The following BAZ2B variants were observed in gnomAD, a reference collection of about 807,000 sequenced individuals.
The protein encoded by BAZ2B is bromodomain adjacent to zinc finger domain protein 2B.
A neutral mutation model predicts 246.0 loss-of-function variants in BAZ2B; 91 were observed. The ratio of observed to expected loss-of-function variants is 0.37; its 90% CI spans 0.31 to 0.44. The LOEUF (loss-of-function observed/expected upper bound fraction) is 0.44, where lower values mean the gene tolerates loss of function less well. Among genes scored for constraint, BAZ2B ranks in the 20% least tolerant of loss-of-function variants. BAZ2B has a pLI of 1.00. For synonymous variants in BAZ2B, 855 were observed against 860.0 expected, an observed-to-expected ratio of 0.99 and a Z score of 0.10; for missense variants, 2,332 against 2,533.7, an observed-to-expected ratio of 0.92 and a Z score of 1.71.
At chr2:159,441,204 T>C (rs1055089347) in intron 6 of BAZ2B, among the ~76,000 whole-genome samples, 1 of 152,136 alleles carries the variant, frequency 6.6e-6, no homozygotes, top group Non-Finnish European at 1.5e-5. Context: ...AGAGCTACAG[T>C]GATTTAGCAG....
intron 1 of BAZ2B, among the ~76,000 whole-genome samples, chr2:159,590,206 A>C (rs1404572484): frequency 1.5e-5 from 2 of 134,646 alleles, no homozygotes; most frequent in African/African-American, 5.9e-5. Flanking sequence ...AAAAAAAAAA[A>C]AAAAAAAAAA....
chr2:159,571,618 T>C lies in BAZ2B; in HGVS notation c.-45-15753A>G, dbSNP rs556455791. Among the ~76,000 whole-genome samples, 4 of 152,292 alleles carry C rather than the reference T, an allele frequency of 2.6e-5. No homozygotes were observed. In the East Asian group the frequency reaches 7.7e-4, roughly 29 times the overall value. On this transcript the variant is annotated intron_variant, in intron 1 of 36. Transcript: ENST00000392783. The stretch of plus-strand genomic sequence containing the variant: ...GGGGCTGAACACTGAGTTCAATTGC[T>C]AATGGCCAATTGTCTTAGTCCCTAT...
chr2:159,398,570 T>C lies in BAZ2B; in HGVS notation c.2964+259A>G, dbSNP rs75754690. Among the ~76,000 whole-genome samples the C allele has an allele frequency of 9.4e-3, 1,426 of 152,180 alleles. 14 individuals carry two copies. Among genetic ancestry groups the C allele is most frequent in the South Asian group, 0.022 (106 of 4,824 alleles). On this transcript the variant is annotated intron_variant, in intron 18 of 36. Coordinates refer to ENST00000392783, the MANE Select transcript of BAZ2B (RefSeq NM_013450.4). ...CTTATCTAGCAAAACTACATACAGG[T>C]ATTAAGCAACAATTTGCATTTCTGA...
intron 4 of BAZ2B, among the ~76,000 whole-genome samples, chr2:159,450,655 T>A (rs1435474882): frequency 1.3e-5 from 2 of 150,812 alleles, no homozygotes; most frequent in African/African-American, 2.4e-5. Context: ...AAATGAAAAA[T>A]ACAAAATAAG....
the BAZ2B span, among the ~76,000 whole-genome samples, chr2:159,656,866 T>C: frequency 1.3e-5 from 2 of 152,174 alleles, no homozygotes; most frequent in Admixed American, 1.3e-4. Context: ...TGAATTTAAA[T>C]AGTACTCTGC....
At chr2:159,390,255 T>C (rs918349) in intron 20 of BAZ2B, among the ~76,000 whole-genome samples, 141,080 of 152,138 alleles carry the variant, frequency 0.93, 66,342 homozygotes, top group East Asian at 1. Context: ...AAAAGTCTTT[T>C]GATTTTCTAT....
At chr2:159,579,754 C>A (rs1022952376) in intron 1 of BAZ2B, among the ~76,000 whole-genome samples, 1 of 152,160 alleles carries the variant, frequency 6.6e-6, no homozygotes, top group Non-Finnish European at 1.5e-5. Flanking sequence ...GGATGCAAGG[C>A]TGGTTCAACA....
intron 3 of BAZ2B, among the ~76,000 whole-genome samples, chr2:159,473,262 A>C (rs978417195): frequency 6.6e-6 from 1 of 152,190 alleles, no homozygotes; most frequent in African/African-American, 2.4e-5. Context: ...TTATTGGTCT[A>C]TTCAGGGATT....
At chr2:159,670,683 CTT>C in the BAZ2B span, 1 of 152,080 alleles carries the variant, frequency 6.6e-6, no homozygotes, top group Non-Finnish European at 1.5e-5. Context: ...GGATAACAGT[CTT>C]TTATTTTTAT....
chr2:159,566,106 G>A (rs1682507713), intron 1 of BAZ2B, among the ~76,000 whole-genome samples: 1 of 152,140 alleles, frequency 6.6e-6, no homozygotes, highest in South Asian at 2.1e-4. Context: ...CCGCCTCCCA[G>A]GTTCAAGCGA....
At chr2:159,514,215 C>A (rs1342212889) in intron 2 of BAZ2B, among the ~76,000 whole-genome samples, 2 of 152,128 alleles carry the variant, frequency 1.3e-5, no homozygotes, top group Non-Finnish European at 2.9e-5. Context: ...AAAGCAGAGA[C>A]CTTTGAAAGT....
chr2:159,557,255 C>A (rs2089287687), intron 1 of BAZ2B, among the ~76,000 whole-genome samples: 1 of 148,862 alleles, frequency 6.7e-6, no homozygotes, highest in African/African-American at 2.5e-5. Context: ...CGGGGTCTCA[C>A]CATGTTGCCC....
At chr2:159,709,950 T>C in the BAZ2B span, among the ~76,000 whole-genome samples, 1 of 151,522 alleles carries the variant, frequency 6.6e-6, no homozygotes, top group South Asian at 2.1e-4. Context: ...AGGTGAGTGG[T>C]GAGGGCAAGT....
At chr2:159,387,590 C>T (rs926735365) in intron 21 of BAZ2B, among the ~76,000 whole-genome samples, 1 of 152,110 alleles carries the variant, frequency 6.6e-6, no homozygotes, top group African/African-American at 2.4e-5. Flanking sequence ...TCATCTCATA[C>T]AAATATTTTA....
At chr2:159,701,559 T>A in the BAZ2B span, among the ~76,000 whole-genome samples, 2 of 150,718 alleles carry the variant, frequency 1.3e-5, no homozygotes, top group Non-Finnish European at 3.0e-5. Flanking sequence ...ATTAAAAATG[T>A]ACAATGTATT....
chr2:159,500,487 T>C (rs1440130745), intron 2 of BAZ2B, among the ~76,000 whole-genome samples: 1 of 152,222 alleles, frequency 6.6e-6, no homozygotes, highest in African/African-American at 2.4e-5. Flanking sequence ...GCCTCCAGCT[T>C]TGTTCTTTTT....
At chr2:159,381,598 A>T (rs7565063) in intron 25 of BAZ2B, among the ~76,000 whole-genome samples, 94,443 of 151,884 alleles carry the variant, frequency 0.62, 31,416 homozygotes, top group Non-Finnish European at 0.76. Flanking sequence ...ACTCATCTAA[A>T]CCATTGCAGT....
chr2:159,643,342 A>G, the BAZ2B span, among the ~76,000 whole-genome samples: 1 of 152,110 alleles, frequency 6.6e-6, no homozygotes, highest in Admixed American at 6.5e-5. Context: ...CCTTCCTAAC[A>G]TGGCATAGGG....
At chr2:159,462,548 T>C in intron 3 of BAZ2B, 1 of 888,466 alleles carries the variant, frequency 1.1e-6, no homozygotes. Context: ...ATATTCATTT[T>C]CTGCATTCTC....
Sources: gnomAD v4.1 joint callset for allele counts (sites outside exome capture counted in the v4.1 genomes callset) on GRCh38, gnomAD v4.1.1 for gene constraint, MANE v1.5 for transcripts, NCBI Gene and HGNC (gene_info 2026-07-23, HGNC 2026-07-21) for gene names.